Variants in SRSF11 observed in about 807,000 individuals in gnomAD.
SRSF11 encodes the protein serine and arginine rich splicing factor 11.
In SRSF11, 9 loss-of-function variants were observed where a neutral mutation model predicts 56.0. The ratio of observed to expected loss-of-function variants is 0.16; its 90% CI spans 0.10 to 0.28. The LOEUF (loss-of-function observed/expected upper bound fraction) is 0.28. Ranked by LOEUF, SRSF11 falls within the 10% of genes least tolerant of loss-of-function variation. The pLI, the probability that SRSF11 is intolerant of heterozygous loss-of-function variation, is 1.00. For missense variants in SRSF11, 421 were observed against 600.7 expected, an observed-to-expected ratio of 0.70 and a Z score of 3.13; for synonymous variants, 222 against 215.3, an observed-to-expected ratio of 1.03 and a Z score of -0.27.
chr1:70,228,763 T>A (rs1672341253), intron 2 of SRSF11: 1 of 1,228,430 alleles, frequency 8.1e-7, no homozygotes, highest in South Asian at 3.0e-5. Context: ...ATTTACCTTT[T>A]GTTTTCTTTT....
intron 3 of SRSF11, among the ~76,000 whole-genome samples, chr1:70,232,769 A>G (rs1430390333): frequency 6.6e-6 from 1 of 151,772 alleles, no homozygotes; most frequent in African/African-American, 2.4e-5. Context: ...TTTTCCTGTT[A>G]TTTGGGGGGT....
Position 70,221,859 on chromosome 1 carries a change from A to G in SRSF11, c.203+20A>G, listed in dbSNP as rs369993486. 156 of 1,613,088 alleles carry G rather than the reference A, an allele frequency of 9.7e-5. No homozygotes were observed. The highest frequency in any genetic ancestry group is 1.2e-4 in the Non-Finnish European group (143 of 1,179,850). ...GCCGGAGTGAGTATCGTCCACCATC[A>G]CTGTTCCTGCTAACGCCGCCTCAGC... On this transcript the variant is annotated intron_variant, in intron 1 of 11. Coordinates refer to ENST00000370949, the MANE Select transcript of SRSF11 (RefSeq NM_001350605.2).
At chr1:70,228,639 G>T (rs904977664) in intron 2 of SRSF11, 84 bp downstream of exon 2, 3 of 1,434,062 alleles carry the variant, frequency 2.1e-6, no homozygotes, top group Non-Finnish European at 2.8e-6. Flanking sequence ...TTAGTAGCAT[G>T]TTAAATCTAA....
intron 1 of SRSF11, among the ~76,000 whole-genome samples, chr1:70,209,331 AG>A (rs1012099401): frequency 4.3e-4 from 65 of 152,334 alleles, no homozygotes; most frequent in African/African-American, 1.5e-3. Flanking sequence ...TATAAAATGG[AG>A]TCAAGTAAGA....
chr1:70,219,967 A>G (rs1670368566), upstream of SRSF11, among the ~76,000 whole-genome samples: 1 of 152,272 alleles, frequency 6.6e-6, no homozygotes, highest in Admixed American at 6.5e-5. Context: ...CCTCCAAAAC[A>G]TCTAAAACTT....
upstream of SRSF11, among the ~76,000 whole-genome samples, chr1:70,217,330 G>T (rs1670102304): frequency 6.6e-6 from 1 of 152,026 alleles, no homozygotes; most frequent in South Asian, 2.1e-4. Context: ...GGCTAATTTT[G>T]TATTTTTAGT....
intron 1 of SRSF11, among the ~76,000 whole-genome samples, chr1:70,214,700 A>G (rs1028615490): frequency 6.6e-6 from 1 of 152,116 alleles, no homozygotes; most frequent in Admixed American, 6.6e-5. Flanking sequence ...TTTGTCTGTC[A>G]GTCAGTCCCC....
In SRSF11 at chr1:70,239,484, C is replaced by T; in HGVS notation, c.764C>T (p.Ser255Phe). The stretch of plus-strand genomic sequence containing the variant: ...AGGCATTCAAGATCAAGATCACGTT[C>T]TAGGAGGAGGAGGACTCCCTCATCT... Reference protein sequence around the residue: ...KRRHSRSRSRSRRRRTPSSSR... With the variant: ...KRRHSRSRSRFRRRRTPSSSR... The change falls in exon 7 of 12, where the codon TCT becomes TTT. Residue 255 changes from serine (S) to phenylalanine (F), a missense_variant. Transcript: ENST00000370949. 1 of 1,609,608 alleles carries T rather than the reference C, an allele frequency of 6.2e-7. No individual in the cohort carries two copies. The highest frequency in any genetic ancestry group is 8.5e-7 in the Non-Finnish European group (1 of 1,178,482).
intron 1 of SRSF11, among the ~76,000 whole-genome samples, chr1:70,225,532 A>C (rs1571690007): frequency 6.6e-6 from 1 of 152,160 alleles, no homozygotes; most frequent in Non-Finnish European, 1.5e-5. Context: ...TGGAAGGCTG[A>C]TATCAGTGGC....
chr1:70,221,115 T>C (rs952208549), upstream of SRSF11: 1 of 153,948 alleles, frequency 6.5e-6, no homozygotes, highest in Non-Finnish European at 1.4e-5. Flanking sequence ...CAGTATTTAA[T>C]AAGAAGAGTT....
intron 7 of SRSF11, among the ~76,000 whole-genome samples, chr1:70,241,506 A>C (rs1221402602): frequency 6.6e-6 from 1 of 152,190 alleles, no homozygotes; most frequent in African/African-American, 2.4e-5. Context: ...ACAGATACTG[A>C]GAAGTTCCTT....
intron 1 of SRSF11, among the ~76,000 whole-genome samples, chr1:70,214,713 G>C (rs1162875220): frequency 6.6e-6 from 1 of 152,052 alleles, no homozygotes; most frequent in Non-Finnish European, 1.5e-5. Context: ...CAGTCCCCTA[G>C]TGCTAACTCA....
chr1:70,214,894 GTT>G (rs34229824), intron 1 of SRSF11, among the ~76,000 whole-genome samples: 9,204 of 125,360 alleles, frequency 0.073, 210 homozygotes, highest in East Asian at 0.25. Flanking sequence ...CTGCAGATAA[GTT>G]TTTTTTTTTT....
intron 1 of SRSF11, among the ~76,000 whole-genome samples, chr1:70,208,349 A>T (rs529050845): frequency 3.5e-5 from 5 of 142,864 alleles, no homozygotes; most frequent in South Asian, 2.3e-4. Context: ...TGTGTGTGTG[A>T]GTGAGATGGA....
intron 1 of SRSF11, among the ~76,000 whole-genome samples, chr1:70,227,218 A>G (rs1671979393): frequency 6.6e-6 from 1 of 152,222 alleles, no homozygotes; most frequent in African/African-American, 2.4e-5. Flanking sequence ...TCTTAGTATA[A>G]CCAAATCTGA....
At chr1:70,227,338 A>G (rs948128365) in intron 1 of SRSF11, among the ~76,000 whole-genome samples, 1 of 152,140 alleles carries the variant, frequency 6.6e-6, no homozygotes, top group Admixed American at 6.5e-5. Context: ...AATGAGTCCT[A>G]TGATGTAAGT....
At chr1:70,230,271 T>C (rs1672592820) in intron 2 of SRSF11, 2 of 1,000,778 alleles carry the variant, frequency 2.0e-6, no homozygotes, top group South Asian at 4.3e-5. Context: ...CAGAATTCTA[T>C]TGTTGGTGAA....
intron 9 of SRSF11, 177 bp downstream of exon 9, chr1:70,247,084 A>G: frequency 1.8e-6 from 2 of 1,131,002 alleles, no homozygotes; most frequent in Non-Finnish European, 1.2e-6. Context: ...AATGTAGTTT[A>G]TTTTTCTTTT....
intron 2 of SRSF11, chr1:70,229,735 A>G: frequency 1.0e-6 from 1 of 984,392 alleles, no homozygotes; most frequent in Non-Finnish European, 1.2e-6. Context: ...CATACCTTGT[A>G]AAAGTTGTGA....
Sources: allele counts gnomAD v4.1 joint callset (sites outside exome capture counted in the v4.1 genomes callset), GRCh38; gene constraint gnomAD v4.1.1; transcripts MANE v1.5; gene names NCBI Gene and HGNC (gene_info 2026-07-23, HGNC 2026-07-21).